Variants in ADAM12 observed in about 807,000 individuals in gnomAD.
ADAM12 encodes ADAM metallopeptidase domain 12.
A neutral mutation model predicts 106.4 loss-of-function variants in ADAM12; 70 were observed. The observed-to-expected ratio is 0.66, with a 90% CI of 0.54 to 0.80. The LOEUF (loss-of-function observed/expected upper bound fraction) is 0.80. Ranked by LOEUF, ADAM12 falls within the 30% of genes least tolerant of loss-of-function variation. The pLI is 0.00. For synonymous variants in ADAM12, 420 were observed against 433.5 expected (o/e 0.97, Z 0.39); for missense variants, 1,010 against 1,171.9 (o/e 0.86, Z 2.02).
chr10:126,271,062 A>C (rs1959172756), intron 3 of ADAM12, among the ~76,000 whole-genome samples: 1 of 152,138 alleles, frequency 6.6e-6, no homozygotes, highest in Admixed American at 6.5e-5. Context: ...GCCCAGTTCT[A>C]CAAGGGCCCT....
Position 126,019,958 on chromosome 10 carries a change from C to A in ADAM12, c.2530-133G>T, listed in dbSNP as rs1451887592. On this transcript the variant is annotated intron_variant, in intron 21 of 22. Coordinates refer to ENST00000448723, the MANE Select transcript of ADAM12 (RefSeq NM_001288973.2). ...TGTCACCATACAAGGTGGGTGGAGG[C>A]TGACCTCTGTTAATCTTCTTGCCAA... is the stretch of plus-strand genomic sequence containing the variant. The A allele has an allele frequency of 5.4e-6, 6 of 1,118,442 alleles. No homozygotes were observed. The Admixed American group carries it at 9.0e-5, about 17-fold the overall frequency. The allele number at this position is 1,118,442 out of a possible 1,614,324, so 69.3% of individuals were successfully genotyped here.
Position 126,064,010 on chromosome 10 carries a change from C to T in ADAM12, c.1609+796G>A, listed in dbSNP as rs1051620531. Among the ~76,000 whole-genome samples, 3 of 152,204 alleles carry T rather than the reference C, an allele frequency of 2.0e-5. No individual in the cohort carries two copies. Among genetic ancestry groups the T allele is most frequent in the Non-Finnish European group, 4.4e-5 (3 of 68,032 alleles). On this transcript the variant is annotated intron_variant, in intron 14 of 22. Coordinates refer to ENST00000448723, the MANE Select transcript of ADAM12 (RefSeq NM_001288973.2). This position sits in a 1 kb window ranked among gnomAD's most constrained non-coding sequence, Gnocchi z 4.4. Reference sequence around the variant, plus strand: ...ACACATGGGCATTGGGTCACAGTAACCCAGGTTCAAATCCTAGCCCGGAGA... The same window carrying T: ...ACACATGGGCATTGGGTCACAGTAATCCAGGTTCAAATCCTAGCCCGGAGA...
chr10:126,161,865 G>A (rs904559457), intron 3 of ADAM12, among the ~76,000 whole-genome samples: 11 of 152,132 alleles, frequency 7.2e-5, no homozygotes, highest in Admixed American at 5.9e-4. Context: ...ACTATCTTAC[G>A]TCAGCAAATG....
intron 14 of ADAM12, among the ~76,000 whole-genome samples, chr10:126,059,527 T>C (rs1954706731): frequency 6.6e-6 from 1 of 152,292 alleles, no homozygotes; most frequent in South Asian, 2.1e-4. Context: ...CAAAAATCTC[T>C]TTTTTTCCCA....
chr10:126,220,724 T>C (rs1429573992), intron 3 of ADAM12, among the ~76,000 whole-genome samples: 2 of 152,234 alleles, frequency 1.3e-5, no homozygotes, highest in Admixed American at 6.5e-5. Context: ...GCTTATAAAA[T>C]AATTGGCTTT....
chr10:126,257,481 ATTC>A (rs1239731227), intron 3 of ADAM12, among the ~76,000 whole-genome samples: 1 of 152,240 alleles, frequency 6.6e-6, no homozygotes, highest in Non-Finnish European at 1.5e-5. Flanking sequence ...GTGATAATCT[ATTC>A]TTTTCACCAA....
chr10:126,385,595 C>T (rs1856634732), intron 1 of ADAM12, among the ~76,000 whole-genome samples: 1 of 151,692 alleles, frequency 6.6e-6, no homozygotes, highest in Non-Finnish European at 1.5e-5. Flanking sequence ...GGATGAAATG[C>T]CATAAAACAC....
intron 3 of ADAM12, among the ~76,000 whole-genome samples, chr10:126,244,081 A>G (rs911248342): frequency 6.6e-6 from 1 of 152,252 alleles, no homozygotes; most frequent in Admixed American, 6.5e-5. Context: ...ATTAGAGCAC[A>G]TGGATTTAGC....
At chr10:126,329,499 G>A (rs1394197062) in intron 2 of ADAM12, among the ~76,000 whole-genome samples, 1 of 152,036 alleles carries the variant, frequency 6.6e-6, no homozygotes, top group Non-Finnish European at 1.5e-5. Flanking sequence ...TACTTGACTT[G>A]TACCTTGTAT....
intron 21 of ADAM12, among the ~76,000 whole-genome samples, chr10:126,031,670 T>G (rs1170041840): frequency 6.6e-6 from 1 of 152,212 alleles, no homozygotes; most frequent in Non-Finnish European, 1.5e-5. Context: ...CAAAGTAGCC[T>G]TTTCTTAGAT....
At chr10:126,070,293 A>T (rs1485589317) in intron 12 of ADAM12, 1 of 152,208 alleles carries the variant, frequency 6.6e-6, no homozygotes, top group Non-Finnish European at 1.5e-5. Flanking sequence ...CAATGTCATT[A>T]TCATGGTTAA....
chr10:126,173,803 C>T (rs890074521), intron 3 of ADAM12, among the ~76,000 whole-genome samples: 3 of 151,908 alleles, frequency 2.0e-5, no homozygotes, highest in East Asian at 3.9e-4. Context: ...TTTCTCAGGC[C>T]GGTCTGGGAC....
Position 126,388,235 on chromosome 10 carries a change from G to A in ADAM12, c.-90C>T, listed in dbSNP as rs1031779655. The A allele has an allele frequency of 8.4e-7, 1 of 1,187,000 alleles. No homozygotes were observed. The highest frequency in any genetic ancestry group is 1.0e-6 in the Non-Finnish European group (1 of 958,970). The allele number at this position is 1,187,000 out of a possible 1,614,324, so 73.5% of individuals were successfully genotyped here. ...GCGCCGAGCCGGGGCCGGGCGTCGC[G>A]ACCGGAGGGATTTCCTGCCTCGGCG... On this transcript the variant is annotated 5_prime_UTR_variant, in exon 1 of 23. Transcript: ENST00000448723. This position sits in a 1 kb window ranked among gnomAD's most constrained non-coding sequence, Gnocchi z 4.4.
At chr10:126,318,106 C>T (rs1205180418) in intron 2 of ADAM12, among the ~76,000 whole-genome samples, 2 of 152,024 alleles carry the variant, frequency 1.3e-5, no homozygotes, top group South Asian at 2.1e-4. Context: ...GAATCGGGCT[C>T]GTGGAGAAAT....
chr10:126,036,348 CA>C, intron 20 of ADAM12, 23 bp from the exon 21 acceptor site: 1 of 1,562,414 alleles, frequency 6.4e-7, no homozygotes, highest in South Asian at 1.2e-5. Context: ...AGTAAAAAGC[CA>C]TGCTATAGCG....
chr10:126,313,378 G>T (rs1961200845), intron 2 of ADAM12, among the ~76,000 whole-genome samples: 1 of 152,200 alleles, frequency 6.6e-6, no homozygotes, highest in Non-Finnish European at 1.5e-5. Flanking sequence ...CCTCACAAAG[G>T]AGAGGGCCTT....
intron 8 of ADAM12, 135 bp downstream of exon 8, chr10:126,108,458 A>C: frequency 1.4e-6 from 1 of 738,750 alleles, no homozygotes; most frequent in South Asian, 1.8e-5. Context: ...TTACACACTC[A>C]GAGGACAGGA....
In ADAM12 at chr10:126,100,170, G is replaced by GC. The variant is rs200313179; in HGVS notation, c.911+901dup. ...AGTGTTGGTCACCACTGTGTTCAAA[G>GC]CCCCCCAAACACTCTTTGGTTCCTA... On this transcript the variant is annotated intron_variant, in intron 9 of 22. Transcript: ENST00000448723. Among the ~76,000 whole-genome samples the GC allele has an allele frequency of 1.0e-2, 1,517 of 152,146 alleles. 98 individuals carry two copies. Among genetic ancestry groups the GC allele is most frequent in the Admixed American group, 0.09 (1,370 of 15,272 alleles).
chr10:126,044,172 C>A (rs550654757), intron 17 of ADAM12, among the ~76,000 whole-genome samples: 13 of 151,984 alleles, frequency 8.6e-5, no homozygotes, highest in South Asian at 4.2e-4. Context: ...CACGGTGGCT[C>A]ATGCCTGTAA....
Sources: gnomAD v4.1 joint callset for allele counts (sites outside exome capture counted in the v4.1 genomes callset) on GRCh38, gnomAD v4.1.1 for gene constraint, Gnocchi (gnomAD v3.1) non-coding constraint, MANE v1.5 for transcripts, NCBI Gene and HGNC (gene_info 2026-07-23, HGNC 2026-07-21) for gene names.